CDH22: variants seen among roughly 807,000 people sequenced by gnomAD.
CDH22 encodes the protein cadherin 22.
CDH22 carries 30 observed loss-of-function variants against 58.4 expected under a neutral mutation model. The observed-to-expected ratio is 0.51, with a 90% CI of 0.38 to 0.70. The LOEUF (loss-of-function observed/expected upper bound fraction) is 0.70, where lower values mean the gene tolerates loss of function less well. CDH22 is among the 30% of genes least tolerant of loss of function. The pLI is 0.00. For synonymous variants in CDH22, 513 were observed against 558.2 expected (o/e 0.92, Z 1.14); for missense variants, 1,014 against 1,233.9 (o/e 0.82, Z 2.67).
chr20:46,291,136 A>T (rs1239803139), intron 1 of CDH22, among the ~76,000 whole-genome samples: 2 of 152,000 alleles, frequency 1.3e-5, no homozygotes, highest in East Asian at 3.9e-4. Context: ...AATTAGCTGG[A>T]TGTGGTGGCA....
chr20:46,252,620 G>A (rs1277261919), intron 1 of CDH22, among the ~76,000 whole-genome samples: 3 of 152,240 alleles, frequency 2.0e-5, no homozygotes, highest in Non-Finnish European at 2.9e-5. Context: ...GTGTGGAGGT[G>A]AGGGGCTCAA....
intron 1 of CDH22, among the ~76,000 whole-genome samples, chr20:46,263,245 G>A: frequency 6.6e-6 from 1 of 152,154 alleles, no homozygotes; most frequent in East Asian, 1.9e-4. Flanking sequence ...ACACATGATG[G>A]GGTTGCCTGG....
chr20:46,236,325 G>A (rs991267524), intron 3 of CDH22, among the ~76,000 whole-genome samples: 8 of 151,488 alleles, frequency 5.3e-5, no homozygotes, highest in African/African-American at 1.9e-4. Flanking sequence ...AGAGCTCCTT[G>A]GTTCCCTTCC....
chr20:46,228,027 T>C (rs2086192123), intron 3 of CDH22, among the ~76,000 whole-genome samples: 1 of 152,220 alleles, frequency 6.6e-6, no homozygotes, highest in Non-Finnish European at 1.5e-5. Flanking sequence ...TTCTCAATGA[T>C]GGCGACAATC....
chr20:46,278,056 G>A (rs915392424), intron 1 of CDH22, among the ~76,000 whole-genome samples: 1 of 151,984 alleles, frequency 6.6e-6, no homozygotes, highest in Admixed American at 6.5e-5. Flanking sequence ...GTGATGACAG[G>A]TGACAAGGAG....
intron 8 of CDH22, among the ~76,000 whole-genome samples, chr20:46,192,669 G>A (rs1486699933): frequency 6.6e-6 from 1 of 151,992 alleles, no homozygotes; most frequent in Non-Finnish European, 1.5e-5. Context: ...GCAGAGCTTG[G>A]ACCCTCTTCT....
intron 2 of CDH22, among the ~76,000 whole-genome samples, chr20:46,245,381 T>C (rs1344175069): frequency 6.6e-6 from 1 of 152,186 alleles, no homozygotes; most frequent in Non-Finnish European, 1.5e-5. Flanking sequence ...CACCCTCCTC[T>C]AACTTCTAGT....
intron 4 of CDH22, chr20:46,219,826 C>CG (rs1232703384): frequency 6.6e-6 from 1 of 152,170 alleles, no homozygotes; most frequent in Non-Finnish European, 1.5e-5. Context: ...GACAGAGGCA[C>CG]GGAAAGGCTA....
intron 10 of CDH22, among the ~76,000 whole-genome samples, chr20:46,184,785 T>C (rs938689248): frequency 2.0e-5 from 3 of 152,150 alleles, no homozygotes; most frequent in Non-Finnish European, 4.4e-5. Context: ...CAGTAGGTGT[T>C]ACTCCCATTT....
intron 1 of CDH22, among the ~76,000 whole-genome samples, chr20:46,285,650 G>A (rs1461066232): frequency 1.3e-5 from 2 of 152,212 alleles, no homozygotes; most frequent in African/African-American, 4.8e-5. Context: ...TTACCTCAGA[G>A]TTGGGGATAG....
intron 1 of CDH22, among the ~76,000 whole-genome samples, chr20:46,257,508 G>A (rs1435074407): frequency 6.6e-6 from 1 of 152,196 alleles, no homozygotes; most frequent in Non-Finnish European, 1.5e-5. Flanking sequence ...GACAGCAACT[G>A]AGTGTGACCA....
chr20:46,193,665 C>T (rs1600689868), intron 8 of CDH22, among the ~76,000 whole-genome samples: 2 of 152,296 alleles, frequency 1.3e-5, no homozygotes. Context: ...CTCACCTGCT[C>T]TGGACACCCT....
intron 10 of CDH22, among the ~76,000 whole-genome samples, chr20:46,178,864 G>A (rs1181771851): frequency 6.6e-6 from 1 of 152,196 alleles, no homozygotes; most frequent in Non-Finnish European, 1.5e-5. Flanking sequence ...GAGCCTAGAG[G>A]GCTGGGGGCG....
intron 8 of CDH22, among the ~76,000 whole-genome samples, chr20:46,197,799 G>C (rs1478163798): frequency 6.6e-6 from 1 of 152,186 alleles, no homozygotes; most frequent in Admixed American, 6.5e-5. Context: ...TTAAACTGCA[G>C]TTGAAAGAGA....
At chr20:46,187,047 T>C (rs2085831726) in intron 8 of CDH22, 100 bp from the exon 9 acceptor site, 5 of 1,312,134 alleles carry the variant, frequency 3.8e-6, no homozygotes, top group Non-Finnish European at 4.1e-6. Flanking sequence ...GGGGTCATGC[T>C]GAGAAATTTG....
At chr20:46,256,094 T>G (rs1431477146) in intron 1 of CDH22, among the ~76,000 whole-genome samples, 2 of 152,244 alleles carry the variant, frequency 1.3e-5, no homozygotes, top group African/African-American at 4.8e-5. Flanking sequence ...TGCAGTCACA[T>G]ATGTGACTGA....
intron 1 of CDH22, among the ~76,000 whole-genome samples, chr20:46,273,583 C>T (rs547755290): frequency 6.6e-6 from 1 of 152,346 alleles, no homozygotes; most frequent in Non-Finnish European, 1.5e-5. Context: ...ACATCACACT[C>T]ACAGGCCAAG....
At chr20:46,262,320 G>A (rs1166461376) in intron 1 of CDH22, among the ~76,000 whole-genome samples, 1 of 152,060 alleles carries the variant, frequency 6.6e-6, no homozygotes, top group Admixed American at 6.5e-5. Context: ...GGTCAGGGGA[G>A]AGGGGATGAT....
intron 1 of CDH22, among the ~76,000 whole-genome samples, chr20:46,293,885 C>T (rs1444310568): frequency 1.3e-5 from 2 of 152,124 alleles, no homozygotes; most frequent in Admixed American, 6.5e-5. Flanking sequence ...CATGGTGGCT[C>T]ATGCCTGTAA....
Sources: gnomAD v4.1 joint callset for allele counts (sites outside exome capture counted in the v4.1 genomes callset) on GRCh38, gnomAD v4.1.1 for gene constraint, MANE v1.5 for transcripts, NCBI Gene and HGNC (gene_info 2026-07-23, HGNC 2026-07-21) for gene names.